ST7L: variants seen among roughly 807,000 people sequenced by gnomAD.
The protein encoded by ST7L is suppressor of tumorigenicity 7 protein-like.
Under a neutral mutation model 72.5 loss-of-function variants are expected in ST7L, and 57 were observed. That is an observed-to-expected ratio of 0.79 (90% CI 0.64 to 0.98). ST7L has a LOEUF of 0.98. Among genes scored for constraint, ST7L ranks in the 50% least tolerant of loss-of-function variants. The probability of loss-of-function intolerance (pLI) is 0.00; values close to 1 mark genes in which losing one functional copy is unlikely to be tolerated. For missense variants in ST7L, 576 were observed against 672.2 expected, an observed-to-expected ratio of 0.86 and a Z score of 1.58; for synonymous variants, 221 against 240.9, an observed-to-expected ratio of 0.92 and a Z score of 0.77.
chr1:112,598,354 A>T (rs1666793189), intron 4 of ST7L, among the ~76,000 whole-genome samples: 1 of 151,888 alleles, frequency 6.6e-6, no homozygotes, highest in Admixed American at 6.6e-5. Context: ...TAATCTCAGC[A>T]CTTTGGGAGG....
At chr1:112,573,354 A>G (rs1662490854) in intron 11 of ST7L, among the ~76,000 whole-genome samples, 1 of 150,970 alleles carries the variant, frequency 6.6e-6, no homozygotes, top group South Asian at 2.1e-4. Flanking sequence ...CTCTCAAAAA[A>G]AAAAAAAAAA....
At chr1:112,520,327 A>G (rs773339184), downstream of ST7L, 5 of 1,614,082 alleles carry the variant, frequency 3.1e-6, no homozygotes, top group African/African-American at 6.7e-5. Context: ...ATCAAAAGGA[A>G]CAGACGGTTG....
intron 12 of ST7L, among the ~76,000 whole-genome samples, chr1:112,551,539 C>T (rs761806966): frequency 7.9e-5 from 12 of 152,158 alleles, no homozygotes; most frequent in Non-Finnish European, 1.5e-4. Context: ...AAAACTTTAT[C>T]GGAACATAGT....
intron 9 of ST7L, among the ~76,000 whole-genome samples, chr1:112,578,799 C>CA (rs1252960700): frequency 2.6e-5 from 4 of 151,398 alleles, no homozygotes; most frequent in Non-Finnish European, 4.4e-5. Flanking sequence ...CAAAACAAAA[C>CA]AAAAAAAAGA....
chr1:112,584,290 G>A (rs1664551432), intron 6 of ST7L, among the ~76,000 whole-genome samples, 164 bp from the exon 7 acceptor site: 1 of 150,360 alleles, frequency 6.7e-6, no homozygotes, highest in Non-Finnish European at 1.5e-5. Flanking sequence ...GGGCACATTG[G>A]TATATTCTTT....
At chr1:112,598,251 T>C (rs984733897) in intron 4 of ST7L, among the ~76,000 whole-genome samples, 165 bp from the exon 5 acceptor site, 13 of 152,194 alleles carry the variant, frequency 8.5e-5, no homozygotes, top group African/African-American at 2.7e-4. Context: ...TAAAGTATGA[T>C]AATAAAACAT....
chr1:112,530,460 G>A (rs1654196325), intron 14 of ST7L, among the ~76,000 whole-genome samples: 1 of 152,136 alleles, frequency 6.6e-6, no homozygotes, highest in East Asian at 1.9e-4. Flanking sequence ...TGTCACTAGG[G>A]CTGGAGTGCA....
In ST7L at chr1:112,550,715, T is replaced by C. The variant is rs1657971829; in HGVS notation, c.1397-22A>G. On this transcript the variant is annotated intron_variant, in intron 12 of 14. Transcript: ENST00000358039. The stretch of plus-strand genomic sequence containing the variant: ...AAAGCTGAGGAAAAAAAAGCATGTG[T>C]TGATACTCAATTCTGTCTCATTTAC... 1.9e-6 allele frequency: 3 copies of C among 1,574,450 alleles called. No individual in the cohort carries two copies. In the East Asian group the frequency reaches 6.7e-5, roughly 35 times the overall value.
At chr1:112,610,766 T>C (rs894143912) in intron 3 of ST7L, 75 bp downstream of exon 3, 11 of 1,546,514 alleles carry the variant, frequency 7.1e-6, no homozygotes, top group Non-Finnish European at 9.6e-6. Context: ...CTCTGCTGTT[T>C]TGAGTTTTCT....
chr1:112,560,086 T>G (rs192100314), intron 11 of ST7L, among the ~76,000 whole-genome samples: 18 of 152,256 alleles, frequency 1.2e-4, no homozygotes, highest in African/African-American at 4.1e-4. Flanking sequence ...CCTTTCCAAT[T>G]TGACTTTAAA....
chr1:112,553,964 G>A (rs1024073800), intron 12 of ST7L, among the ~76,000 whole-genome samples: 11 of 151,950 alleles, frequency 7.2e-5, no homozygotes, highest in African/African-American at 2.7e-4. Flanking sequence ...GACCTTTTGG[G>A]AGGCCTCAGC....
intron 12 of ST7L, among the ~76,000 whole-genome samples, chr1:112,552,252 G>GT (rs1275016823): frequency 3.6e-5 from 3 of 83,072 alleles, no homozygotes; most frequent in Admixed American, 1.2e-4. Context: ...CTGGAAATCT[G>GT]TTTTTTTTCC....
chr1:112,560,978 A>C (rs967170063), intron 11 of ST7L, among the ~76,000 whole-genome samples: 9 of 151,994 alleles, frequency 5.9e-5, no homozygotes, highest in African/African-American at 1.9e-4. Context: ...AAAAAAAAAA[A>C]AAAAAACTTA....
intron 11 of ST7L, among the ~76,000 whole-genome samples, chr1:112,559,530 CA>C (rs964421882): frequency 4.1e-5 from 6 of 147,618 alleles, no homozygotes; most frequent in African/African-American, 1.2e-4. Flanking sequence ...CCACGCCTGG[CA>C]AAAAAAAATA....
At chr1:112,563,360 C>T (rs1660482645) in intron 11 of ST7L, among the ~76,000 whole-genome samples, 1 of 152,094 alleles carries the variant, frequency 6.6e-6, no homozygotes, top group African/African-American at 2.4e-5. Flanking sequence ...CTGTTTGAGA[C>T]ACATTAAAGT....
intron 6 of ST7L, among the ~76,000 whole-genome samples, chr1:112,588,705 G>A (rs1026830482): frequency 7.9e-5 from 12 of 152,002 alleles, no homozygotes; most frequent in African/African-American, 1.7e-4. Context: ...ACTGATTTTC[G>A]TATGTTGAAC....
chr1:112,612,127 T>A (rs1447937813), intron 2 of ST7L, among the ~76,000 whole-genome samples: 1 of 152,084 alleles, frequency 6.6e-6, no homozygotes, highest in East Asian at 1.9e-4. Context: ...TGAGATAGGA[T>A]CCCACTGTCA....
intron 11 of ST7L, among the ~76,000 whole-genome samples, chr1:112,573,131 CT>C (rs1277547559): frequency 1.3e-5 from 2 of 151,884 alleles, no homozygotes; most frequent in Non-Finnish European, 2.9e-5. Context: ...GGCTGATCAT[CT>C]GAGGTTGGGA....
intron 12 of ST7L, 151 bp from the exon 13 acceptor site, chr1:112,550,844 A>T: frequency 1.7e-6 from 1 of 601,938 alleles, no homozygotes; most frequent in East Asian, 2.9e-5. Context: ...AATAATAAAT[A>T]AGGGGAAGGA....
Sources: gnomAD v4.1 joint callset for allele counts (sites outside exome capture counted in the v4.1 genomes callset) on GRCh38, gnomAD v4.1.1 for gene constraint, MANE v1.5 for transcripts, NCBI Gene and HGNC (gene_info 2026-07-23, HGNC 2026-07-21) for gene names.